The following KIAA1958 variants were observed in gnomAD, a reference collection of about 807,000 sequenced individuals.
The protein encoded by KIAA1958 is uncharacterized protein KIAA1958.
A neutral mutation model predicts 47.2 loss-of-function variants in KIAA1958; 14 were observed. The ratio of observed to expected loss-of-function variants is 0.30; its 90% CI spans 0.20 to 0.46. KIAA1958 has a LOEUF of 0.46. Ranked by LOEUF, KIAA1958 falls within the 20% of genes least tolerant of loss-of-function variation. The probability of loss-of-function intolerance (pLI) is 1.00; values close to 1 mark genes in which losing one functional copy is unlikely to be tolerated. For missense variants in KIAA1958, 803 were observed against 909.2 expected (o/e 0.88, Z 1.50); for synonymous variants, 354 against 353.3 (o/e 1.00, Z -0.02).
At chr9:112,589,348 G>A (rs898229117) in intron 2 of KIAA1958, among the ~76,000 whole-genome samples, 8 of 152,150 alleles carry the variant, frequency 5.3e-5, no homozygotes, top group African/African-American at 1.4e-4. Context: ...TGTAATCCCA[G>A]CACTTTGGGA....
intron 2 of KIAA1958, among the ~76,000 whole-genome samples, chr9:112,607,007 T>C (rs866725653): frequency 6.6e-5 from 10 of 152,218 alleles, no homozygotes; most frequent in Middle Eastern, 6.8e-3. Flanking sequence ...AGAACCATAG[T>C]ATATAAAGAA....
chr9:112,508,815 A>C (rs1834275599), intron 1 of KIAA1958, among the ~76,000 whole-genome samples: 1 of 152,076 alleles, frequency 6.6e-6, no homozygotes, highest in African/African-American at 2.4e-5. Flanking sequence ...TTTTTCTAAT[A>C]AGATTTTTAT....
chr9:112,596,257 T>G (rs750129100), intron 2 of KIAA1958, among the ~76,000 whole-genome samples: 2 of 152,216 alleles, frequency 1.3e-5, no homozygotes, highest in Non-Finnish European at 2.9e-5. Flanking sequence ...GTATACTGTT[T>G]CTATGAATCT....
intron 1 of KIAA1958, among the ~76,000 whole-genome samples, chr9:112,523,542 T>C (rs918316512): frequency 1.3e-5 from 2 of 152,216 alleles, no homozygotes; most frequent in East Asian, 1.9e-4. Flanking sequence ...TCAGATCTGG[T>C]CTCTGGCCTA....
At chr9:112,608,131 GT>G (rs1364212243) in intron 2 of KIAA1958, among the ~76,000 whole-genome samples, 4 of 152,092 alleles carry the variant, frequency 2.6e-5, no homozygotes, top group African/African-American at 9.7e-5. Flanking sequence ...GGGAATTATG[GT>G]TAAAAACATT....
intron 2 of KIAA1958, among the ~76,000 whole-genome samples, chr9:112,632,923 T>A (rs55822952): frequency 0.093 from 11,704 of 125,574 alleles, 476 homozygotes; most frequent in East Asian, 0.14. Context: ...TTTTTTTTTT[T>A]AAAAAAAGAG....
At chr9:112,642,545 G>T (rs1355348700) in intron 2 of KIAA1958, among the ~76,000 whole-genome samples, 1 of 152,148 alleles carries the variant, frequency 6.6e-6, no homozygotes, top group Non-Finnish European at 1.5e-5. Flanking sequence ...GGTGGTAGAT[G>T]ATGTAAGGGC....
At chr9:112,585,716 T>G (rs1192774904) in intron 2 of KIAA1958, among the ~76,000 whole-genome samples, 1 of 152,194 alleles carries the variant, frequency 6.6e-6, no homozygotes, top group African/African-American at 2.4e-5. Context: ...GGAGTTAAAA[T>G]ACAGAACTTG....
intron 1 of KIAA1958, among the ~76,000 whole-genome samples, chr9:112,506,927 C>T (rs1294485366): frequency 2.0e-5 from 3 of 152,186 alleles, no homozygotes; most frequent in African/African-American, 7.2e-5. Context: ...CAGGTACTTA[C>T]ATACTCAGTG....
intron 1 of KIAA1958, among the ~76,000 whole-genome samples, chr9:112,527,955 AAAAG>A (rs1834688213): frequency 6.6e-6 from 1 of 151,874 alleles, no homozygotes; most frequent in Non-Finnish European, 1.5e-5. Context: ...AAAAAAAAGA[AAAAG>A]AAAATGAGTT....
chr9:112,637,792 A>C (rs758704221), intron 2 of KIAA1958, among the ~76,000 whole-genome samples: 15 of 152,188 alleles, frequency 9.9e-5, no homozygotes, highest in South Asian at 2.1e-4. Flanking sequence ...CAGTTGAAAA[A>C]TCAGTCTGAT....
At chr9:112,497,145 C>T (rs564822397) in intron 1 of KIAA1958, among the ~76,000 whole-genome samples, 1 of 152,264 alleles carries the variant, frequency 6.6e-6, no homozygotes, top group South Asian at 2.1e-4. Flanking sequence ...TAACATATTG[C>T]AAAATTATAT....
intron 1 of KIAA1958, among the ~76,000 whole-genome samples, chr9:112,532,707 C>G (rs921896719): frequency 7.2e-5 from 11 of 152,176 alleles, no homozygotes; most frequent in African/African-American, 2.7e-4. Context: ...ATTAGTTCCT[C>G]CAGTTTGTTA....
Position 112,664,398 on chromosome 9 carries a change from T to A in KIAA1958, c.*4329T>A, listed in dbSNP as rs932294519. On this transcript the variant is annotated 3_prime_UTR_variant, in exon 4 of 4. Coordinates refer to ENST00000337530, the MANE Select transcript of KIAA1958 (RefSeq NM_133465.4). ...CCATCACTTTGTTGCTTTTATGAGATGTAGATTGCTAAAAACTTTTGAGCT... is the reference window on the plus strand; with the variant it reads ...CCATCACTTTGTTGCTTTTATGAGAAGTAGATTGCTAAAAACTTTTGAGCT... 3 of 152,228 alleles carry A rather than the reference T, an allele frequency of 2.0e-5. No individual in the cohort carries two copies. Among genetic ancestry groups the A allele is most frequent in the African/African-American group, 7.2e-5 (3 of 41,468 alleles). 9.4% of individuals were successfully genotyped at this position (152,228 alleles called of 1,614,324 possible).
At position 112,597,731 on chromosome 9, in the gene KIAA1958, A is replaced by T. The variant is rs1588033951; in HGVS notation, c.1171+22480A>T. On this transcript the variant is annotated intron_variant, in intron 2 of 3. Transcript: ENST00000337530. Reference sequence around the variant, plus strand: ...TGCCTACCATGTTGAGATGCTGAATATGTTTTTGTTGAATGTTGAAGCAAA... The same window carrying T: ...TGCCTACCATGTTGAGATGCTGAATTTGTTTTTGTTGAATGTTGAAGCAAA... 2.0e-5 allele frequency among the ~76,000 whole-genome samples: 3 copies of T among 152,348 alleles called. No individual in the cohort carries two copies. The South Asian group carries it at 6.2e-4, about 32-fold the overall frequency.
chr9:112,490,030 C>T lies in KIAA1958; in HGVS notation c.-25+2912C>T, dbSNP rs77912976. 4.6e-3 allele frequency among the ~76,000 whole-genome samples: 695 copies of T among 152,242 alleles called. 36 individuals carry two copies. The East Asian group carries it at 0.12, about 26-fold the overall frequency. On this transcript the variant is annotated intron_variant, in intron 1 of 3. Transcript: ENST00000337530. ...TTGTAGCCTGGTGGGGAAGCAGGTC[C>T]GGCTGTGAGAGGTGTGGACAGTGAC... is the stretch of plus-strand genomic sequence containing the variant.
rs182852597 is a variant in KIAA1958 at position 112,572,371 on chromosome 9, T to C, written c.-24-1686T>C. Among the ~76,000 whole-genome samples, 7 of 152,214 alleles carry C rather than the reference T, an allele frequency of 4.6e-5. No individual in the cohort carries two copies. In the East Asian group the frequency reaches 1.3e-3, roughly 29 times the overall value. On this transcript the variant is annotated intron_variant, in intron 1 of 3. Transcript: ENST00000337530. ...TCGACAACGACTGCATACTAGACAA[T>C]AGGTTATAATGTCCCAAGAACAGGA...
intron 2 of KIAA1958, among the ~76,000 whole-genome samples, chr9:112,631,534 G>GAAAAAAAAAAAAAAAAAAAAAAAA (rs57805823): frequency 4.1e-5 from 4 of 98,306 alleles, no homozygotes; most frequent in Non-Finnish European, 4.1e-5. Context: ...CTCTCTCAAA[G>GAAAAAAAAAAAAAAAAAAAAAAAA]AAAAAAAAAA....
intron 2 of KIAA1958, among the ~76,000 whole-genome samples, chr9:112,588,230 C>T (rs1835863033): frequency 6.6e-6 from 1 of 152,196 alleles, no homozygotes; most frequent in South Asian, 2.1e-4. Context: ...ATGTCACTTT[C>T]ACAGTGTAAA....
Sources: gnomAD v4.1 joint callset for allele counts (sites outside exome capture counted in the v4.1 genomes callset) on GRCh38, gnomAD v4.1.1 for gene constraint, MANE v1.5 for transcripts, NCBI Gene and HGNC (gene_info 2026-07-23, HGNC 2026-07-21) for gene names.